PACC1: variants seen among roughly 807,000 people sequenced by gnomAD.
PACC1 encodes the protein proton activated chloride channel 1, also known as proton-activated chloride channel.
PACC1 carries 34 observed loss-of-function variants against 39.7 expected under a neutral mutation model. The observed-to-expected ratio is 0.86, with a 90% CI of 0.65 to 1.14. The LOEUF (loss-of-function observed/expected upper bound fraction) is 1.14. Ranked by LOEUF, PACC1 falls within the 50% of genes most tolerant of loss-of-function variation. The pLI, the probability that PACC1 is intolerant of heterozygous loss-of-function variation, is 0.00. For synonymous variants in PACC1, 127 were observed against 160.6 expected (o/e 0.79, Z 1.58); for missense variants, 379 against 436.4 (o/e 0.87, Z 1.17).
chr1:212,369,281 T>G (rs574717590), intron 7 of PACC1, among the ~76,000 whole-genome samples: 1 of 152,210 alleles, frequency 6.6e-6, no homozygotes, highest in East Asian at 1.9e-4. Context: ...TAATCATTTA[T>G]CCACAAAGAC....
intron 1 of PACC1, among the ~76,000 whole-genome samples, chr1:212,413,020 G>A (rs1475088594): frequency 2.0e-5 from 3 of 152,162 alleles, no homozygotes; most frequent in Middle Eastern, 3.2e-3. Flanking sequence ...AGGCACGAAC[G>A]TGGGCTTTCT....
intron 4 of PACC1, among the ~76,000 whole-genome samples, chr1:212,383,636 G>T (rs1043736723): frequency 6.6e-6 from 1 of 152,022 alleles, no homozygotes; most frequent in African/African-American, 2.4e-5. Context: ...TCTTATTTAT[G>T]AATGAAGGAT....
At position 212,386,940 on chromosome 1, in the gene PACC1, G is replaced by C; in HGVS notation, c.294C>G (p.His98Gln). 6.2e-7 allele frequency: 1 copy of C among 1,614,202 alleles called. No homozygotes were observed. Among genetic ancestry groups the C allele is most frequent in the Non-Finnish European group, 8.5e-7 (1 of 1,180,044 alleles). The change falls in exon 3 of 8, where the codon CAC becomes CAG. Residue 98 changes from histidine to glutamine, a missense_variant. Physicochemically the swap from His to Gln is conservative, Grantham distance 24. Transcript: ENST00000261455. The surrounding 1 kb of genome is among the most constrained non-coding windows in gnomAD (Gnocchi z 5.0). ...TITDFREKLK[H>Q]PVMSVSYKEV... ...CCTTGTAAGACACAGACATGACAGG[G>C]TGCTTGAGTTTCTCACGAAAGTCTG...
chr1:212,382,929 A>C (rs756863676), intron 4 of PACC1, among the ~76,000 whole-genome samples: 19 of 152,180 alleles, frequency 1.2e-4, no homozygotes, highest in Non-Finnish European at 2.6e-4. Context: ...CATGCCAAGA[A>C]GGCGTCTCAC....
chr1:212,392,578 T>C (rs1661363193), intron 2 of PACC1, among the ~76,000 whole-genome samples: 1 of 152,160 alleles, frequency 6.6e-6, no homozygotes, highest in Admixed American at 6.5e-5. Flanking sequence ...CAGGATCAAA[T>C]TCACACATAA....
intron 2 of PACC1, among the ~76,000 whole-genome samples, chr1:212,404,902 G>A (rs552305250): frequency 6.6e-6 from 1 of 152,222 alleles, no homozygotes; most frequent in Non-Finnish European, 1.5e-5. Context: ...CTGAGTAGCT[G>A]GGATTACAGG....
intron 4 of PACC1, among the ~76,000 whole-genome samples, chr1:212,382,343 G>A (rs543724630): frequency 6.6e-6 from 1 of 152,130 alleles, no homozygotes; most frequent in Non-Finnish European, 1.5e-5. Context: ...CGCCCGGCTG[G>A]AGTGTTTTAT....
At chr1:212,375,375 GA>G in intron 6 of PACC1, 75 bp from the exon 7 acceptor site, 2 of 1,064,738 alleles carry the variant, frequency 1.9e-6, no homozygotes, top group South Asian at 2.6e-5. Context: ...CGAAAGGAGA[GA>G]GAGTAGGCAG....
At chr1:212,374,854 C>T (rs543338609) in intron 7 of PACC1, among the ~76,000 whole-genome samples, 2 of 152,284 alleles carry the variant, frequency 1.3e-5, no homozygotes, top group Admixed American at 6.5e-5. Context: ...ATTTATTCAA[C>T]GAACATTACT....
At chr1:212,402,149 G>GT (rs1221180348) in intron 2 of PACC1, among the ~76,000 whole-genome samples, 6 of 152,142 alleles carry the variant, frequency 3.9e-5, no homozygotes, top group Non-Finnish European at 4.4e-5. Context: ...TCATGTGGAC[G>GT]TAAGTTTTCA....
rs150074590 is a variant in PACC1, at chr1:212,399,417, G to A, written c.133+11008C>T. Among the ~76,000 whole-genome samples, 15 of 152,086 alleles carry A rather than the reference G, an allele frequency of 9.9e-5. No homozygotes were observed. In the East Asian group the frequency reaches 2.5e-3, roughly 25 times the overall value. On this transcript the variant is annotated intron_variant, in intron 2 of 7. Coordinates refer to ENST00000261455, the MANE Select transcript of PACC1 (RefSeq NM_018252.3). ...ATTACAGTCATTAATAATAAAAGATGTAATTGAAAGAATATAACTTCGTAA... is the reference window on the plus strand; with the variant it reads ...ATTACAGTCATTAATAATAAAAGATATAATTGAAAGAATATAACTTCGTAA...
intron 2 of PACC1, among the ~76,000 whole-genome samples, chr1:212,409,187 G>A (rs1356664485): frequency 1.3e-5 from 2 of 152,160 alleles, no homozygotes; most frequent in Admixed American, 6.5e-5. Flanking sequence ...GGTCCCTGGT[G>A]CCAAAAAGTT....
At chr1:212,381,091 A>G (rs140861786) in intron 4 of PACC1, among the ~76,000 whole-genome samples, 272 of 152,334 alleles carry the variant, frequency 1.8e-3, no homozygotes, top group African/African-American at 6.1e-3. Flanking sequence ...GCACTATTCA[A>G]TTCTTATCCT....
At chr1:212,414,641 C>G in intron 1 of PACC1, 81 bp downstream of exon 1, 1 of 1,554,832 alleles carries the variant, frequency 6.4e-7, no homozygotes, top group Non-Finnish European at 8.8e-7. Flanking sequence ...GCCCCGACAC[C>G]CCCCGCCCCG....
intron 7 of PACC1, among the ~76,000 whole-genome samples, chr1:212,373,560 A>G (rs1233289315): frequency 6.6e-6 from 1 of 152,230 alleles, no homozygotes; most frequent in African/African-American, 2.4e-5. Context: ...GTTAAGAGAC[A>G]ACCTACAGAA....
At chr1:212,382,691 G>C (rs1297733809) in intron 4 of PACC1, among the ~76,000 whole-genome samples, 1 of 152,232 alleles carries the variant, frequency 6.6e-6, no homozygotes, top group African/African-American at 2.4e-5. Flanking sequence ...AGGCAGGTAA[G>C]AAGCCGCCCT....
rs1400704806 is a variant in PACC1, at chr1:212,365,035, T to C, written c.*180A>G. ...TAGGTTTATCCATTAGTCTCTTCTA[T>C]TAGGCTCTACACCGCCTCTTTTGGG... On this transcript the variant is annotated 3_prime_UTR_variant, in exon 8 of 8. Coordinates refer to ENST00000261455, the MANE Select transcript of PACC1 (RefSeq NM_018252.3). 1.1e-5 allele frequency: 5 copies of C among 462,402 alleles called. No individual in the cohort carries two copies. The highest frequency in any genetic ancestry group is 2.0e-5 in the African/African-American group (1 of 49,852). 28.6% of individuals were successfully genotyped at this position (462,402 alleles called of 1,614,324 possible). A position where few individuals can be genotyped will look rare whatever the true frequency, so the allele number is the denominator to read the frequency against.
At chr1:212,391,053 T>C (rs6673357) in intron 2 of PACC1, among the ~76,000 whole-genome samples, 79,819 of 152,120 alleles carry the variant, frequency 0.52, 22,459 homozygotes, top group African/African-American at 0.74. Context: ...GAAACCTCTG[T>C]AGATTTAAAT....
intron 1 of PACC1, among the ~76,000 whole-genome samples, chr1:212,411,409 G>A (rs990029445): frequency 1.3e-5 from 2 of 152,200 alleles, no homozygotes; most frequent in Non-Finnish European, 1.5e-5. Flanking sequence ...GTCCACCACA[G>A]GGATAGGTGC....
Sources: gnomAD v4.1 joint callset for allele counts (sites outside exome capture counted in the v4.1 genomes callset) on GRCh38, gnomAD v4.1.1 for gene constraint, Gnocchi (gnomAD v3.1) non-coding constraint, MANE v1.5 for transcripts, NCBI Gene and HGNC (gene_info 2026-07-23, HGNC 2026-07-21) for gene names.